SLC25A33: variants seen among roughly 807,000 people sequenced by gnomAD.
The protein encoded by SLC25A33 is bone marrow stromal cell mitochondrial carrier protein.
In SLC25A33, 15 loss-of-function variants were observed where a neutral mutation model predicts 35.5. That is an observed-to-expected ratio of 0.42 (90% confidence interval 0.28 to 0.65). The LOEUF is 0.65. Among genes scored for constraint, SLC25A33 ranks in the 30% least tolerant of loss-of-function variants. SLC25A33 has a pLI of 0.20. For synonymous variants in SLC25A33, 136 were observed against 148.7 expected (o/e 0.91, Z 0.62); for missense variants, 257 against 398.5 (o/e 0.64, Z 3.02).
In SLC25A33 at chr1:9,580,854, C is replaced by CA. The variant is rs200156885; in HGVS notation, c.763+633dup. Among the ~76,000 whole-genome samples, 311 of 139,340 alleles carry CA rather than the reference C, an allele frequency of 2.2e-3. 3 individuals are homozygous for CA. Among genetic ancestry groups the CA allele is most frequent in the African/African-American group, 7.8e-3 (282 of 36,252 alleles). The allele number at this position is 139,340 out of a possible 152,430, so 91.4% of individuals were successfully genotyped here. A position where few individuals can be genotyped will look rare whatever the true frequency, so the allele number is the denominator to read the frequency against. ...CTGGCAACAGAGCGAGACTCTGTCT[C>CA]AAAAAAAAAAAAATAATAATAATAA... On this transcript the variant is annotated intron_variant, in intron 6 of 6. Coordinates refer to ENST00000302692, the MANE Select transcript of SLC25A33 (RefSeq NM_032315.3).
At chr1:9,543,018 A>T (rs1253496033) in intron 1 of SLC25A33, among the ~76,000 whole-genome samples, 1 of 152,098 alleles carries the variant, frequency 6.6e-6, no homozygotes, top group East Asian at 1.9e-4. Context: ...GGGTTTTGCC[A>T]CGTTGGCTAG....
chr1:9,550,404 G>A (rs1306244065), intron 1 of SLC25A33, among the ~76,000 whole-genome samples: 1 of 152,084 alleles, frequency 6.6e-6, no homozygotes, highest in East Asian at 1.9e-4. Flanking sequence ...CAAAGCAAAG[G>A]TGGTTGACCT....
chr1:9,555,350 C>G (rs1381871547), intron 2 of SLC25A33, among the ~76,000 whole-genome samples: 1 of 151,978 alleles, frequency 6.6e-6, no homozygotes, highest in East Asian at 1.9e-4. Context: ...GATTTCCTGA[C>G]CTCGTGATCC....
chr1:9,569,712 G>C (rs574703739), intron 3 of SLC25A33, among the ~76,000 whole-genome samples: 1 of 152,278 alleles, frequency 6.6e-6, no homozygotes, highest in South Asian at 2.1e-4. Context: ...GAAGACAGCA[G>C]GGGGAAAAGT....
chr1:9,575,746 A>C (rs1643654601), intron 5 of SLC25A33, among the ~76,000 whole-genome samples: 1 of 152,198 alleles, frequency 6.6e-6, no homozygotes, highest in African/African-American at 2.4e-5. Flanking sequence ...AAGTTCGCCC[A>C]ATCAATCTAT....
At chr1:9,568,752 A>G (rs1414215875) in intron 3 of SLC25A33, among the ~76,000 whole-genome samples, 3 of 151,928 alleles carry the variant, frequency 2.0e-5, no homozygotes, top group Non-Finnish European at 4.4e-5. Flanking sequence ...TCAGGAGGCT[A>G]AGGCAGGAGA....
chr1:9,580,363 G>A (rs1274200581), intron 6 of SLC25A33, 129 bp downstream of exon 6: 2 of 1,201,680 alleles, frequency 1.7e-6, no homozygotes, highest in African/African-American at 1.5e-5. Context: ...TGAGTATGAG[G>A]GAAACAGCTC....
At chr1:9,543,460 A>G (rs959412954) in intron 1 of SLC25A33, among the ~76,000 whole-genome samples, 3 of 152,054 alleles carry the variant, frequency 2.0e-5, no homozygotes, top group South Asian at 2.1e-4. Flanking sequence ...TTCCTTTTCT[A>G]TTGTTTAAAC....
At chr1:9,574,814 A>G (rs914252423) in intron 5 of SLC25A33, among the ~76,000 whole-genome samples, 3 of 152,180 alleles carry the variant, frequency 2.0e-5, no homozygotes, top group Non-Finnish European at 4.4e-5. Flanking sequence ...GCTTAGCCCT[A>G]AACTCCAATA....
intron 2 of SLC25A33, among the ~76,000 whole-genome samples, chr1:9,559,336 G>A (rs537676939): frequency 6.6e-6 from 1 of 152,224 alleles, no homozygotes; most frequent in South Asian, 2.1e-4. Flanking sequence ...CATCGAGAAT[G>A]TTGCCTGTCA....
intron 2 of SLC25A33, among the ~76,000 whole-genome samples, chr1:9,565,978 C>T (rs2100397507): frequency 6.6e-6 from 1 of 152,224 alleles, no homozygotes; most frequent in South Asian, 2.1e-4. Context: ...TAACCGTCAT[C>T]CGTCCATGAA....
At chr1:9,550,778 T>A (rs1007650657) in intron 1 of SLC25A33, among the ~76,000 whole-genome samples, 1 of 151,912 alleles carries the variant, frequency 6.6e-6, no homozygotes, top group Non-Finnish European at 1.5e-5. Context: ...TCTTAAGCCA[T>A]CCTCCCACGT....
chr1:9,580,174 G>T lies in SLC25A33; in HGVS notation c.703G>T (p.Gly235Ter). Residue 235 changes from glycine (G) to a stop codon, truncating the protein, a stop_gained, in exon 6 of 7, where the codon GGA (glycine) becomes TGA (stop). Transcript: ENST00000302692. LOFTEE classifies it high-confidence loss of function. ...GTEKNSTSFF[G>*]LMAAAALSKG... Reference sequence around the variant, plus strand: ...TGAGAAAAATTCCACAAGTTTTTTTGGACTTATGGCAGCTGCTGCTCTTTC... The same window carrying T: ...TGAGAAAAATTCCACAAGTTTTTTTTGACTTATGGCAGCTGCTGCTCTTTC... 6.2e-7 allele frequency: 1 copy of T among 1,609,746 alleles called. No homozygotes were observed. The highest frequency in any genetic ancestry group is 1.7e-4 in the Middle Eastern group (1 of 6,030).
chr1:9,582,816 G>T lies in SLC25A33; in HGVS notation c.*315G>T. The T allele has an allele frequency of 3.7e-6, 1 of 267,526 alleles. No individual in the cohort carries two copies. The highest frequency in any genetic ancestry group is 5.8e-5 in the South Asian group (1 of 17,128). The allele number at this position is 267,526 out of a possible 1,614,324, so 16.6% of individuals were successfully genotyped here. ...CTTTTATGCTCACTATACTATGAAG[G>T]ACTTAAGTAATTCAGATAAACCTGC... On this transcript the variant is annotated 3_prime_UTR_variant, in exon 7 of 7. Coordinates refer to ENST00000302692, the MANE Select transcript of SLC25A33 (RefSeq NM_032315.3). The surrounding 1 kb of genome is among the most constrained non-coding windows in gnomAD (Gnocchi z 4.0).
rs771228623 is a variant in SLC25A33 at position 9,579,941 on chromosome 1, C to G, written c.483-13C>G. On this transcript the variant is annotated splice_polypyrimidine_tract_variant and intron_variant, in intron 5 of 6. Coordinates refer to ENST00000302692, the MANE Select transcript of SLC25A33 (RefSeq NM_032315.3). ...TGTCTCCTTAACAGCCTGTGTTGGT[C>G]TCTTTTATGCAGAGTGAGGGGCTCT... is the stretch of plus-strand genomic sequence containing the variant. The G allele has an allele frequency of 6.2e-7, 1 of 1,603,546 alleles. No individual in the cohort carries two copies. The highest frequency in any genetic ancestry group is 8.5e-7 in the Non-Finnish European group (1 of 1,175,552).
intron 1 of SLC25A33, among the ~76,000 whole-genome samples, chr1:9,540,662 C>T (rs757580152): frequency 1.3e-5 from 2 of 152,064 alleles, no homozygotes; most frequent in Non-Finnish European, 2.9e-5. Context: ...AGGACCTCAT[C>T]GGCCTGGCAC....
intron 4 of SLC25A33, among the ~76,000 whole-genome samples, chr1:9,572,090 T>C (rs1046785286): frequency 3.3e-5 from 5 of 152,202 alleles, no homozygotes; most frequent in Admixed American, 2.6e-4. Flanking sequence ...AGCTAATTAT[T>C]TCTAGACCCT....
At chr1:9,565,591 G>A (rs913691394) in intron 2 of SLC25A33, among the ~76,000 whole-genome samples, 2 of 150,122 alleles carry the variant, frequency 1.3e-5, no homozygotes, top group Non-Finnish European at 3.0e-5. Context: ...TAAAATTAAA[G>A]CAGTTGGCTG....
intron 1 of SLC25A33, among the ~76,000 whole-genome samples, chr1:9,547,896 C>T (rs914395950): frequency 2.0e-5 from 3 of 151,676 alleles, no homozygotes; most frequent in African/African-American, 4.8e-5. Context: ...CTGTCACCCA[C>T]GCTGGAGTGC....
Sources: allele counts gnomAD v4.1 joint callset (sites outside exome capture counted in the v4.1 genomes callset), GRCh38; gene constraint gnomAD v4.1.1; non-coding constraint Gnocchi (gnomAD v3.1); transcripts MANE v1.5; gene names NCBI Gene and HGNC (gene_info 2026-07-23, HGNC 2026-07-21).